DCAF8L2: variants seen among roughly 807,000 people sequenced by gnomAD.
DCAF8L2 encodes the protein DDB1- and CUL4-associated factor 8-like protein 2.
For missense variants in DCAF8L2, 430 were observed against 490.7 expected (o/e 0.88, Z 1.17); for synonymous variants, 200 against 190.9 (o/e 1.05, Z -0.39).
the DCAF8L2 span, among the ~76,000 whole-genome samples, chrX:27,512,802 A>AAC: frequency 2.1e-5 from 2 of 96,519 alleles, no homozygotes; most frequent in East Asian, 3.1e-4. Context: ...AAAAAAAAAA[A>AAC]AAAAAAAACA....
chrX:27,528,907 AT>A, the DCAF8L2 span, among the ~76,000 whole-genome samples: 3 of 111,771 alleles, frequency 2.7e-5, no homozygotes, highest in Non-Finnish European at 5.6e-5. Context: ...GTGCAATTGT[AT>A]CCTATTACCT....
intron 2 of DCAF8L2, among the ~76,000 whole-genome samples, chrX:27,644,472 C>T (rs961938281): frequency 7.2e-5 from 8 of 111,257 alleles, no homozygotes; most frequent in African/African-American, 2.6e-4. Flanking sequence ...TAGGTCACAT[C>T]TGTTTACATT....
intron 3 of DCAF8L2, among the ~76,000 whole-genome samples, chrX:27,682,119 G>A (rs373139747): frequency 2.2e-4 from 24 of 110,343 alleles, no homozygotes; most frequent in African/African-American, 7.3e-4. Flanking sequence ...ATGCACCACC[G>A]TGCCAAACTA....
chrX:27,578,792 G>A, the DCAF8L2 span, among the ~76,000 whole-genome samples: 7 of 109,822 alleles, frequency 6.4e-5, no homozygotes, highest in East Asian at 1.1e-3. Context: ...ACCAACAAAC[G>A]TATGAAAAAA....
intron 3 of DCAF8L2, among the ~76,000 whole-genome samples, chrX:27,696,322 GAAAGAAAGAA>G (rs1569184586): frequency 2.8e-4 from 11 of 38,893 alleles, no homozygotes; most frequent in South Asian, 7.5e-4. Context: ...AAGAAAGAAA[GAAAGAAAGAA>G]AAAGAAAGAA....
the DCAF8L2 span, among the ~76,000 whole-genome samples, chrX:27,534,046 A>C: frequency 9.1e-6 from 1 of 109,901 alleles, no homozygotes; most frequent in Non-Finnish European, 1.9e-5. Flanking sequence ...CCTTCTTTAC[A>C]AAAAACCCAC....
At chrX:27,627,618 G>A (rs780654668) in intron 1 of DCAF8L2, among the ~76,000 whole-genome samples, 49 of 107,416 alleles carry the variant, frequency 4.6e-4, no homozygotes, top group Non-Finnish European at 8.4e-4. Flanking sequence ...AATATGGGCC[G>A]GGCACAGTGT....
chrX:27,713,840 A>G (rs944288461), intron 3 of DCAF8L2, among the ~76,000 whole-genome samples: 1 of 111,438 alleles, frequency 9.0e-6, no homozygotes, highest in South Asian at 3.8e-4. Flanking sequence ...TGTGGGCCTT[A>G]GTTTGCTGGC....
chrX:27,722,623 C>A (rs1931937396), intron 4 of DCAF8L2, among the ~76,000 whole-genome samples: 1 of 110,753 alleles, frequency 9.0e-6, no homozygotes, highest in African/African-American at 3.3e-5. Context: ...ACAAGTTGAA[C>A]CATTGTAAGT....
At chrX:27,592,397 G>GC (rs1448761779) in intron 1 of DCAF8L2, among the ~76,000 whole-genome samples, 1 of 82,606 alleles carries the variant, frequency 1.2e-5, no homozygotes, top group African/African-American at 4.6e-5. Flanking sequence ...GGAGAGCATT[G>GC]TTTTTTTTTG....
intron 1 of DCAF8L2, among the ~76,000 whole-genome samples, chrX:27,615,696 CA>C (rs1927440209): frequency 9.0e-6 from 1 of 111,015 alleles, no homozygotes; most frequent in Non-Finnish European, 1.9e-5. Flanking sequence ...TGTTCATTAT[CA>C]ATTTTAAGCT....
intron 3 of DCAF8L2, among the ~76,000 whole-genome samples, chrX:27,686,131 G>A (rs74455132): frequency 1.3e-3 from 147 of 111,131 alleles, no homozygotes; most frequent in African/African-American, 4.1e-3. Context: ...AGTACACTGC[G>A]GGTGGGAGCG....
chrX:27,561,004 CT>C, the DCAF8L2 span, among the ~76,000 whole-genome samples: 1 of 112,209 alleles, frequency 8.9e-6, no homozygotes, highest in African/African-American at 3.2e-5. Context: ...AGCTGGCAGC[CT>C]TTTATGTCAC....
At chrX:27,648,554 T>G (rs1721103765) in intron 2 of DCAF8L2, among the ~76,000 whole-genome samples, 1 of 108,298 alleles carries the variant, frequency 9.2e-6, no homozygotes, top group African/African-American at 3.3e-5. Flanking sequence ...TATATCTGCT[T>G]TACTTTTTGG....
At chrX:27,746,562 G>A (rs1028088085) in intron 4 of DCAF8L2, among the ~76,000 whole-genome samples, 2 of 111,606 alleles carry the variant, frequency 1.8e-5, no homozygotes, top group Non-Finnish European at 3.8e-5. Flanking sequence ...TTTCCAAGGT[G>A]CAGCAAGTTT....
intron 2 of DCAF8L2, among the ~76,000 whole-genome samples, chrX:27,644,024 T>C (rs902211768): frequency 8.9e-6 from 1 of 111,928 alleles, no homozygotes; most frequent in African/African-American, 3.2e-5. Context: ...GCATTCATTT[T>C]ACCCATCTCC....
At chrX:27,651,110 T>C (rs1032773761) in intron 2 of DCAF8L2, among the ~76,000 whole-genome samples, 1 of 112,279 alleles carries the variant, frequency 8.9e-6, no homozygotes, top group African/African-American at 3.2e-5. Context: ...CTAATTTGCA[T>C]ATGTCGAACC....
At chrX:27,682,127 C>T (rs771597044) in intron 3 of DCAF8L2, among the ~76,000 whole-genome samples, 20 of 110,652 alleles carry the variant, frequency 1.8e-4, no homozygotes, top group Admixed American at 9.7e-4. Flanking sequence ...CCGTGCCAAA[C>T]TAATTTATTT....
intron 1 of DCAF8L2, among the ~76,000 whole-genome samples, chrX:27,605,067 T>A (rs1269085374): frequency 1.8e-5 from 2 of 111,614 alleles, no homozygotes; most frequent in African/African-American, 6.5e-5. Context: ...TTGGTTCAAG[T>A]GTCTAGAGTC....
Sources: gnomAD v4.1 joint callset for allele counts (sites outside exome capture counted in the v4.1 genomes callset) on GRCh38, gnomAD v4.1.1 for gene constraint, MANE v1.5 for transcripts, NCBI Gene and HGNC (gene_info 2026-07-23, HGNC 2026-07-21) for gene names.